TBC1D22A: variants seen among roughly 807,000 people sequenced by gnomAD.
The protein encoded by TBC1D22A is putative GTPase activator.
TBC1D22A carries 38 observed loss-of-function variants against 60.2 expected under a neutral mutation model. The ratio of observed to expected loss-of-function variants is 0.63; its 90% confidence interval spans 0.49 to 0.83. The LOEUF (loss-of-function observed/expected upper bound fraction) is 0.83. Ranked by LOEUF, TBC1D22A falls within the 40% of genes least tolerant of loss-of-function variation. The pLI, the probability that TBC1D22A is intolerant of heterozygous loss-of-function variation, is 0.00. For synonymous variants in TBC1D22A, 302 were observed against 281.7 expected, an observed-to-expected ratio of 1.07 and a Z score of -0.72; for missense variants, 628 against 701.0, an observed-to-expected ratio of 0.90 and a Z score of 1.18.
In TBC1D22A at chr22:46,854,752, C is replaced by G. The variant is rs112296291; in HGVS notation, c.638-23901C>G. ...TCACATTGAAACGTGGCTTTGACCT[C>G]TGCTTTTACAGCTCCCCGTTGCTTG... On this transcript the variant is annotated intron_variant, in intron 4 of 12. Coordinates refer to ENST00000337137, the MANE Select transcript of TBC1D22A (RefSeq NM_014346.5). Among the ~76,000 whole-genome samples, 752 of 152,258 alleles carry G rather than the reference C, an allele frequency of 4.9e-3. 10 individuals are homozygous for G. The highest frequency in any genetic ancestry group is 0.017 in the African/African-American group (700 of 41,556).
At chr22:46,800,369 A>G (rs1311008481) in intron 4 of TBC1D22A, among the ~76,000 whole-genome samples, 1 of 151,972 alleles carries the variant, frequency 6.6e-6, no homozygotes, top group African/African-American at 2.4e-5. Flanking sequence ...ATAAAGGTAG[A>G]TCGTGCTTAC....
intron 4 of TBC1D22A, among the ~76,000 whole-genome samples, chr22:46,830,151 A>G (rs540252683): frequency 6.6e-6 from 1 of 152,326 alleles, no homozygotes; most frequent in Admixed American, 6.5e-5. Context: ...TATTGTGGGC[A>G]TCAGGCGTGC....
chr22:47,019,469 T>A (rs1287619016), intron 10 of TBC1D22A, among the ~76,000 whole-genome samples: 1 of 152,014 alleles, frequency 6.6e-6, no homozygotes, highest in Non-Finnish European at 1.5e-5. Context: ...AAGGACTGAG[T>A]TGAAGAAGTG....
intron 2 of TBC1D22A, 52 bp downstream of exon 2, chr22:46,792,628 T>C: frequency 6.2e-7 from 1 of 1,614,000 alleles, no homozygotes; most frequent in Non-Finnish European, 8.5e-7. Context: ...ATGGGAGGGC[T>C]GTGGCAACCC....
intron 12 of TBC1D22A, among the ~76,000 whole-genome samples, chr22:47,159,039 A>G (rs1176864948): frequency 1.3e-5 from 2 of 150,930 alleles, no homozygotes; most frequent in Non-Finnish European, 3.0e-5. Flanking sequence ...CACACCATGT[A>G]TACACACACA....
chr22:46,900,925 C>T (rs6007994), intron 7 of TBC1D22A, among the ~76,000 whole-genome samples: 16,275 of 152,254 alleles, frequency 0.11, 1,885 homozygotes, highest in African/African-American at 0.29. Context: ...AGTCTTTTAA[C>T]GTTGCACCAT....
At chr22:46,774,163 G>C (rs2083602746) in intron 1 of TBC1D22A, 3 of 985,572 alleles carry the variant, frequency 3.0e-6, no homozygotes, top group South Asian at 9.4e-5. Flanking sequence ...AGCTCAGCCT[G>C]AGGCCTGGCT....
At chr22:47,115,006 G>A (rs1036116179) in intron 12 of TBC1D22A, among the ~76,000 whole-genome samples, 1 of 150,996 alleles carries the variant, frequency 6.6e-6, no homozygotes, top group African/African-American at 2.4e-5. Flanking sequence ...GGCCTGCTGG[G>A]CAGGGCTCGG....
chr22:47,128,639 G>A (rs574399993), intron 12 of TBC1D22A, among the ~76,000 whole-genome samples: 9 of 152,124 alleles, frequency 5.9e-5, no homozygotes, highest in South Asian at 2.1e-4. Context: ...ACAGCTATCC[G>A]TGTGTTTATT....
chr22:46,904,172 TACCA>T (rs2069271524), intron 7 of TBC1D22A, among the ~76,000 whole-genome samples: 4 of 147,696 alleles, frequency 2.7e-5, no homozygotes, highest in African/African-American at 1.0e-4. Flanking sequence ...CCTACCTACC[TACCA>T]GTCTGAGAGC....
chr22:47,110,996 C>T (rs961533687), intron 11 of TBC1D22A, among the ~76,000 whole-genome samples: 3 of 152,222 alleles, frequency 2.0e-5, no homozygotes, highest in East Asian at 1.9e-4. Flanking sequence ...CTTCCGCGTC[C>T]GTGGCTTCCG....
At chr22:47,172,862 G>A (rs371437518) in intron 12 of TBC1D22A, among the ~76,000 whole-genome samples, 22 of 152,332 alleles carry the variant, frequency 1.4e-4, no homozygotes, top group Middle Eastern at 3.4e-3. Flanking sequence ...GCCAGTTGGC[G>A]CTTTGCTGTG....
At chr22:47,011,848 G>A (rs950692504) in intron 10 of TBC1D22A, among the ~76,000 whole-genome samples, 1 of 152,034 alleles carries the variant, frequency 6.6e-6, no homozygotes, top group Non-Finnish European at 1.5e-5. Context: ...AATTTTACCA[G>A]TGCAGCCTAT....
At chr22:47,005,868 C>T (rs186226560) in intron 10 of TBC1D22A, among the ~76,000 whole-genome samples, 8 of 151,398 alleles carry the variant, frequency 5.3e-5, no homozygotes, top group Non-Finnish European at 7.4e-5. Flanking sequence ...TACAGACACC[C>T]CCATATACAC....
chr22:47,158,821 A>T (rs1440423479), intron 12 of TBC1D22A, among the ~76,000 whole-genome samples: 1 of 152,104 alleles, frequency 6.6e-6, no homozygotes, highest in African/African-American at 2.4e-5. Flanking sequence ...CGCAGCCACC[A>T]GCCAGGGCAG....
chr22:46,999,898 G>A (rs955935402), intron 10 of TBC1D22A, among the ~76,000 whole-genome samples: 4 of 152,086 alleles, frequency 2.6e-5, no homozygotes, highest in Non-Finnish European at 5.9e-5. Flanking sequence ...GGTGGCAGGC[G>A]CCTGGAGTCC....
At chr22:46,969,134 G>A (rs530382370) in intron 8 of TBC1D22A, among the ~76,000 whole-genome samples, 1 of 152,002 alleles carries the variant, frequency 6.6e-6, no homozygotes, top group Non-Finnish European at 1.5e-5. Flanking sequence ...ACCACCACCC[G>A]TGGGATCTTC....
At chr22:47,148,554 C>T (rs933393936) in intron 12 of TBC1D22A, among the ~76,000 whole-genome samples, 5 of 152,020 alleles carry the variant, frequency 3.3e-5, no homozygotes, top group African/African-American at 7.3e-5. Context: ...GTCCCTCCCC[C>T]GGGGTTCCTT....
intron 9 of TBC1D22A, among the ~76,000 whole-genome samples, chr22:46,982,903 G>A (rs1283227419): frequency 6.6e-6 from 1 of 152,234 alleles, no homozygotes; most frequent in Non-Finnish European, 1.5e-5. Flanking sequence ...CATTAGGGCT[G>A]CTTAGAAATG....
Sources: gnomAD v4.1 joint callset for allele counts (sites outside exome capture counted in the v4.1 genomes callset) on GRCh38, gnomAD v4.1.1 for gene constraint, MANE v1.5 for transcripts, NCBI Gene and HGNC (gene_info 2026-07-23, HGNC 2026-07-21) for gene names.